The following SLC4A8 variants were observed in gnomAD, a reference collection of about 807,000 sequenced individuals.
SLC4A8 encodes the protein electroneutral sodium bicarbonate exchanger 1.
SLC4A8 carries 40 observed loss-of-function variants against 125.0 expected under a neutral mutation model. That is an observed-to-expected ratio of 0.32 (90% CI 0.25 to 0.42). The LOEUF is 0.42. Ranked by LOEUF, SLC4A8 falls within the 10% of genes least tolerant of loss-of-function variation. The pLI, the probability that SLC4A8 is intolerant of heterozygous loss-of-function variation, is 1.00. For synonymous variants in SLC4A8, 456 were observed against 476.0 expected (o/e 0.96, Z 0.55); for missense variants, 863 against 1,355.1 (o/e 0.64, Z 5.70).
At chr12:51,400,225 A>G (rs911786710) in intron 1 of SLC4A8, among the ~76,000 whole-genome samples, 1 of 152,262 alleles carries the variant, frequency 6.6e-6, no homozygotes, top group Admixed American at 6.5e-5. Context: ...GCCCTAAAGT[A>G]GAATAACCTT....
chr12:51,394,100 C>T (rs1443602233), intron 1 of SLC4A8, among the ~76,000 whole-genome samples: 1 of 152,180 alleles, frequency 6.6e-6, no homozygotes, highest in East Asian at 1.9e-4. Flanking sequence ...GTGAGTCTTG[C>T]ACCTTAGTCA....
At chr12:51,415,314 G>A (rs968115299) in intron 1 of SLC4A8, among the ~76,000 whole-genome samples, 1 of 152,192 alleles carries the variant, frequency 6.6e-6, no homozygotes, top group East Asian at 1.9e-4. Flanking sequence ...GAGAAGAACT[G>A]ATGTTAGTTC....
At chr12:51,395,441 T>G (rs1426037201) in intron 1 of SLC4A8, among the ~76,000 whole-genome samples, 1 of 152,168 alleles carries the variant, frequency 6.6e-6, no homozygotes, top group Admixed American at 6.5e-5. Context: ...TCAAGGGTGT[T>G]CCCCACCATA....
chr12:51,455,439 G>A (rs573781239), intron 5 of SLC4A8, among the ~76,000 whole-genome samples: 26 of 152,184 alleles, frequency 1.7e-4, no homozygotes, highest in Non-Finnish European at 2.6e-4. Context: ...GAAAAAAGGA[G>A]TAAAGAGAAT....
chr12:51,506,148 G>C (rs1036252581), intron 24 of SLC4A8, among the ~76,000 whole-genome samples: 1 of 152,178 alleles, frequency 6.6e-6, no homozygotes, highest in African/African-American at 2.4e-5. Context: ...CGTTTACACA[G>C]GTCCAAGGTC....
intron 1 of SLC4A8, among the ~76,000 whole-genome samples, chr12:51,415,944 A>G (rs1687313209): frequency 6.6e-6 from 1 of 151,554 alleles, no homozygotes; most frequent in Non-Finnish European, 1.5e-5. Context: ...TAGTGCCTAT[A>G]TTTGTCTAGT....
chr12:51,410,876 CTTTT>C (rs58043742), intron 1 of SLC4A8, among the ~76,000 whole-genome samples: 6 of 117,398 alleles, frequency 5.1e-5, no homozygotes, highest in Admixed American at 8.6e-5. Context: ...CTTTTCTTTT[CTTTT>C]TTTTTTTTTT....
At chr12:51,500,397 CAT>C (rs1277548392) in intron 22 of SLC4A8, among the ~76,000 whole-genome samples, 1 of 151,996 alleles carries the variant, frequency 6.6e-6, no homozygotes, top group Non-Finnish European at 1.5e-5. Context: ...AATTTTTTAA[CAT>C]AGTTTTCATA....
intron 1 of SLC4A8, among the ~76,000 whole-genome samples, chr12:51,439,456 T>A (rs1337989645): frequency 6.6e-6 from 1 of 152,016 alleles, no homozygotes; most frequent in African/African-American, 2.4e-5. Context: ...AGGAAAGGCT[T>A]CCAAGTAAGT....
intron 1 of SLC4A8, among the ~76,000 whole-genome samples, chr12:51,430,612 C>T (rs1287217697): frequency 1.3e-5 from 2 of 152,022 alleles, no homozygotes; most frequent in Non-Finnish European, 2.9e-5. Flanking sequence ...TGTGGGCAGA[C>T]TTGTCAAGCA....
intron 14 of SLC4A8, among the ~76,000 whole-genome samples, chr12:51,472,384 C>T (rs1444717979): frequency 2.0e-5 from 3 of 152,160 alleles, no homozygotes; most frequent in Admixed American, 1.3e-4. Flanking sequence ...ACACTTTCAT[C>T]TATTCTAGTT....
At chr12:51,446,446 A>G (rs1949775671) in intron 2 of SLC4A8, among the ~76,000 whole-genome samples, 1 of 152,234 alleles carries the variant, frequency 6.6e-6, no homozygotes, top group Non-Finnish European at 1.5e-5. Context: ...ACAAATAGAG[A>G]AAGGTGTTAG....
intron 4 of SLC4A8, among the ~76,000 whole-genome samples, chr12:51,452,518 T>G (rs1030040091): frequency 6.6e-6 from 1 of 152,176 alleles, no homozygotes; most frequent in Non-Finnish European, 1.5e-5. Flanking sequence ...TCTCATTTGT[T>G]TGGGGCTCAG....
intron 1 of SLC4A8, among the ~76,000 whole-genome samples, chr12:51,434,720 C>T (rs1281232721): frequency 1.3e-5 from 2 of 152,118 alleles, no homozygotes; most frequent in Non-Finnish European, 2.9e-5. Flanking sequence ...TAGATTCCCA[C>T]TGTGTTCTCT....
intron 1 of SLC4A8, among the ~76,000 whole-genome samples, chr12:51,411,027 A>G (rs1592146015): frequency 1.4e-5 from 2 of 144,714 alleles, no homozygotes; most frequent in Admixed American, 1.4e-4. Context: ...AGTGTGAGCC[A>G]CTGCTCCTGG....
At chr12:51,462,288 G>A in intron 9 of SLC4A8, 22 bp from the exon 10 acceptor site, 8 of 1,611,918 alleles carry the variant, frequency 5.0e-6, no homozygotes, top group Non-Finnish European at 5.9e-6. Flanking sequence ...TAACTTTCCT[G>A]AGGGTTTTCT....
At chr12:51,428,713 C>G (rs1949089619) in intron 1 of SLC4A8, among the ~76,000 whole-genome samples, 1 of 152,208 alleles carries the variant, frequency 6.6e-6, no homozygotes, top group Non-Finnish European at 1.5e-5. Flanking sequence ...CTCTGCTGCT[C>G]ACCTGACAGC....
At chr12:51,395,189 A>G (rs956679709) in intron 1 of SLC4A8, among the ~76,000 whole-genome samples, 4 of 152,144 alleles carry the variant, frequency 2.6e-5, no homozygotes, top group Non-Finnish European at 4.4e-5. Flanking sequence ...CTCTCTAGAC[A>G]TTGTCTCTAT....
intron 1 of SLC4A8, among the ~76,000 whole-genome samples, chr12:51,434,484 G>A (rs930760360): frequency 1.3e-5 from 2 of 152,156 alleles, no homozygotes; most frequent in African/African-American, 4.8e-5. Flanking sequence ...TTTGCTAATG[G>A]TTATTGACAG....
Sources: gnomAD v4.1 joint callset for allele counts (sites outside exome capture counted in the v4.1 genomes callset) on GRCh38, gnomAD v4.1.1 for gene constraint, MANE v1.5 for transcripts, NCBI Gene and HGNC (gene_info 2026-07-23, HGNC 2026-07-21) for gene names.